Variants in RAPH1 observed in about 807,000 individuals in gnomAD.
RAPH1 encodes the protein Ras association (RalGDS/AF-6) and pleckstrin homology domains 1, also known as ras-associated and pleckstrin homology domains-containing protein 1.
Under a neutral mutation model 88.1 loss-of-function variants are expected in RAPH1, and 18 were observed. The ratio of observed to expected loss-of-function variants is 0.20; its 90% CI spans 0.14 to 0.30. The LOEUF is 0.30. RAPH1 is among the 10% of genes least tolerant of loss of function. RAPH1 has a pLI of 1.00. For synonymous variants in RAPH1, 587 were observed against 559.0 expected (o/e 1.05, Z -0.71); for missense variants, 1,448 against 1,543.2 (o/e 0.94, Z 1.03).
intron 4 of RAPH1, among the ~76,000 whole-genome samples, chr2:203,487,402 T>C (rs921967116): frequency 1.3e-5 from 2 of 152,016 alleles, no homozygotes; most frequent in Admixed American, 1.3e-4. Flanking sequence ...TTTTTTTTTG[T>C]AGACGGAGTC....
In RAPH1 at chr2:203,433,868, T is replaced by C. The variant is rs2098495320; in HGVS notation, c.*5569A>G. 1 of 152,510 alleles carries C rather than the reference T, an allele frequency of 6.6e-6. No homozygotes were observed. Among genetic ancestry groups the C allele is most frequent in the African/African-American group, 2.4e-5 (1 of 41,410 alleles). The allele number at this position is 152,510 out of a possible 1,614,324, so 9.4% of individuals were successfully genotyped here. The stretch of plus-strand genomic sequence containing the variant: ...TTAAGGATTTGATAAGCTGATATAA[T>C]GAAAACATGTAAATGAAAAACATTT... On this transcript the variant is annotated 3_prime_UTR_variant, in exon 14 of 14. Transcript: ENST00000319170.
In RAPH1 at chr2:203,433,874, CAT is replaced by C. The variant is rs775849397; in HGVS notation, c.*5561_*5562del. ...ATTTGATAAGCTGATATAATGAAAA[CAT>C]GTAAATGAAAAACATTTACACTGAC... is the stretch of plus-strand genomic sequence containing the variant. On this transcript the variant is annotated 3_prime_UTR_variant, in exon 14 of 14. Coordinates refer to ENST00000319170, the MANE Select transcript of RAPH1 (RefSeq NM_213589.3). 1 of 152,438 alleles carries C rather than the reference CAT, an allele frequency of 6.6e-6. No individual in the cohort carries two copies. Among genetic ancestry groups the C allele is most frequent in the Non-Finnish European group, 1.5e-5 (1 of 67,990 alleles). The allele number at this position is 152,438 out of a possible 1,614,324, so 9.4% of individuals were successfully genotyped here. A position where few individuals can be genotyped will look rare whatever the true frequency, so the allele number is the denominator to read the frequency against.
intron 4 of RAPH1, among the ~76,000 whole-genome samples, chr2:203,486,014 G>T (rs941046434): frequency 9.3e-5 from 14 of 150,214 alleles, no homozygotes; most frequent in African/African-American, 3.4e-4. Flanking sequence ...CTGGCAGCCA[G>T]CATAGAAGAC....
chr2:203,472,060 G>A (rs976264899), intron 4 of RAPH1, among the ~76,000 whole-genome samples: 1 of 151,786 alleles, frequency 6.6e-6, no homozygotes, highest in Non-Finnish European at 1.5e-5. Context: ...AGGAGGGAGG[G>A]AATTGGGAAA....
At chr2:203,506,787 T>G (rs1215701604) in intron 1 of RAPH1, among the ~76,000 whole-genome samples, 2 of 126,344 alleles carry the variant, frequency 1.6e-5, no homozygotes, top group Non-Finnish European at 3.2e-5. Context: ...TATCTAGATA[T>G]ATATATCTAT....
At chr2:203,498,365 G>A (rs1688604635) in intron 1 of RAPH1, among the ~76,000 whole-genome samples, 6 of 152,206 alleles carry the variant, frequency 3.9e-5, no homozygotes, top group Admixed American at 1.3e-4. Context: ...GAAAATCTGT[G>A]ATGTATGAAC....
chr2:203,439,732 G>A lies in RAPH1; in HGVS notation c.3458C>T (p.Thr1153Ile), dbSNP rs974009582. 4 of 1,614,044 alleles carry A rather than the reference G, an allele frequency of 2.5e-6. No homozygotes were observed. The highest frequency in any genetic ancestry group is 2.7e-5 in the African/African-American group (2 of 74,912). ...GACACTAAGGCTGGATTTGGGAGAG[G>A]TGGGCACTTGTGGCACAACTGTGGC... Reference protein sequence around the residue: ...TMATVVPQVPTSPKSSLSVQP... With the variant: ...TMATVVPQVPISPKSSLSVQP... The change falls in exon 14 of 14, where the codon ACC (threonine) becomes ATC (isoleucine). Residue 1153 changes from threonine (T) to isoleucine (I), a missense_variant. Coordinates refer to ENST00000319170, the MANE Select transcript of RAPH1 (RefSeq NM_213589.3).
At chr2:203,441,630 C>T in intron 13 of RAPH1, 3 of 1,345,422 alleles carry the variant, frequency 2.2e-6, no homozygotes, top group Non-Finnish European at 2.8e-6. Context: ...TGTTTTACCC[C>T]ACAGTAAAAT....
intron 5 of RAPH1, 63 bp downstream of exon 5, chr2:203,461,785 A>G: frequency 8.1e-7 from 1 of 1,235,552 alleles, no homozygotes; most frequent in African/African-American, 1.5e-5. Flanking sequence ...AAACAAGGCA[A>G]TTCTTCACAA....
chr2:203,465,562 T>C (rs2098527805), intron 4 of RAPH1, among the ~76,000 whole-genome samples: 1 of 152,222 alleles, frequency 6.6e-6, no homozygotes, highest in Non-Finnish European at 1.5e-5. Context: ...GGTGGATACA[T>C]GTTATCACAT....
chr2:203,451,907 T>C (rs1298348667), intron 10 of RAPH1, among the ~76,000 whole-genome samples: 4 of 152,208 alleles, frequency 2.6e-5, no homozygotes, highest in African/African-American at 7.2e-5. Context: ...AGGAGGGTGG[T>C]TGAGTAACTT....
At chr2:203,480,018 CTG>C (rs1687649525) in intron 4 of RAPH1, among the ~76,000 whole-genome samples, 2 of 152,142 alleles carry the variant, frequency 1.3e-5, no homozygotes, top group African/African-American at 2.4e-5. Flanking sequence ...GGTCAATTCT[CTG>C]TATAAATTTT....
chr2:203,464,907 T>G (rs1316981864), intron 4 of RAPH1, among the ~76,000 whole-genome samples: 1 of 152,182 alleles, frequency 6.6e-6, no homozygotes, highest in Non-Finnish European at 1.5e-5. Flanking sequence ...TTCAACATTA[T>G]TTGTCATTAG....
intron 13 of RAPH1, chr2:203,443,403 C>T (rs1429857028): frequency 1.3e-5 from 2 of 152,154 alleles, no homozygotes; most frequent in African/African-American, 4.8e-5. Flanking sequence ...CTTGCCTACA[C>T]AACTACAGAT....
intron 10 of RAPH1, among the ~76,000 whole-genome samples, chr2:203,453,545 C>CAAAAAAAAAAA (rs59304139): frequency 1.4e-4 from 4 of 28,268 alleles, no homozygotes; most frequent in African/African-American, 4.7e-4. Flanking sequence ...GACCCTGCCT[C>CAAAAAAAAAAA]AAAAAAAAAA....
chr2:203,489,989 C>T lies in RAPH1; in HGVS notation c.327G>A (p.Lys109=). Residue 109 remains lysine (K), a synonymous_variant, in exon 4 of 14, where the codon AAG becomes AAA. Transcript: ENST00000319170. ...TAGCTTTCGTTTCTGTGATTTGACG[C>T]TTACTGTTTCCTGAACCAATGCTGC... is the stretch of plus-strand genomic sequence containing the variant. The part of the protein sequence containing the change: ...ELSSIGSGNS[K]RQITETKATQ... 6.2e-7 allele frequency: 1 copy of T among 1,614,208 alleles called. No individual in the cohort carries two copies. The highest frequency in any genetic ancestry group is 8.5e-7 in the Non-Finnish European group (1 of 1,180,032).
intron 4 of RAPH1, among the ~76,000 whole-genome samples, chr2:203,463,904 C>T (rs1026244365): frequency 1.3e-5 from 2 of 152,148 alleles, no homozygotes; most frequent in Non-Finnish European, 2.9e-5. Flanking sequence ...ATGAGTCTTA[C>T]AGAAACAAAT....
chr2:203,505,478 T>C (rs887225246), intron 1 of RAPH1, among the ~76,000 whole-genome samples: 2 of 152,042 alleles, frequency 1.3e-5, no homozygotes, highest in Admixed American at 1.3e-4. Flanking sequence ...AGAGGAATTC[T>C]GAGAGATACA....
rs745817428 is a variant in RAPH1, at chr2:203,448,810, T to C, written c.1440A>G (p.Gln480=). 9.3e-6 allele frequency: 15 copies of C among 1,610,624 alleles called. No individual in the cohort carries two copies. In the East Asian group the frequency reaches 1.3e-4, roughly 14 times the overall value. The change falls in exon 11 of 14, where the codon CAA becomes CAG. Residue 480 remains glutamine (Q), a synonymous_variant. Coordinates refer to ENST00000319170, the MANE Select transcript of RAPH1 (RefSeq NM_213589.3). This position sits in a 1 kb window ranked among gnomAD's most constrained non-coding sequence, Gnocchi z 4.1. ...LKHPQIQKKS[Q]YIKYLCCDDV... ...CATCACAACAAAGGTATTTGATATA[T>C]TGAGATTTCTTCTGGATTTGTGGAT...
Sources: allele counts gnomAD v4.1 joint callset (sites outside exome capture counted in the v4.1 genomes callset), GRCh38; gene constraint gnomAD v4.1.1; non-coding constraint Gnocchi (gnomAD v3.1); transcripts MANE v1.5; gene names NCBI Gene and HGNC (gene_info 2026-07-23, HGNC 2026-07-21).